MED13L: variants seen among roughly 807,000 people sequenced by gnomAD.
MED13L encodes mediator complex subunit 13L.
Under a neutral mutation model 220.9 loss-of-function variants are expected in MED13L, and 7 were observed. That is an observed-to-expected ratio of 0.03 (90% CI 0.02 to 0.06). MED13L has a LOEUF of 0.06. Ranked by LOEUF, MED13L falls within the 10% of genes least tolerant of loss-of-function variation. The probability of loss-of-function intolerance (pLI) is 1.00; values close to 1 mark genes in which losing one functional copy is unlikely to be tolerated. For synonymous variants in MED13L, 1,011 were observed against 1,015.2 expected, an observed-to-expected ratio of 1.00 and a Z score of 0.08; for missense variants, 1,965 against 2,760.5, an observed-to-expected ratio of 0.71 and a Z score of 6.46.
At chr12:115,972,496 C>G (rs934684864) in intron 25 of MED13L, 9 of 455,980 alleles carry the variant, frequency 2.0e-5, no homozygotes, top group Middle Eastern at 6.6e-4. Flanking sequence ...AGCACTAATC[C>G]AGTCTAATCT....
intron 2 of MED13L, among the ~76,000 whole-genome samples, chr12:116,129,919 AAAAG>A (rs534343859): frequency 1.8e-3 from 271 of 151,292 alleles, no homozygotes; most frequent in Admixed American, 4.5e-3. Flanking sequence ...AAAAAAAAAA[AAAAG>A]AAAGAAAGAA....
chr12:116,109,819 T>C (rs1444388289), intron 3 of MED13L, among the ~76,000 whole-genome samples: 1 of 152,214 alleles, frequency 6.6e-6, no homozygotes, highest in Non-Finnish European at 1.5e-5. Flanking sequence ...TAGTAACAGA[T>C]GATTTCTAGG....
chr12:116,117,271 A>T (rs1340453048), intron 2 of MED13L, among the ~76,000 whole-genome samples: 1 of 152,142 alleles, frequency 6.6e-6, no homozygotes, highest in African/African-American at 2.4e-5. Flanking sequence ...AATGGTTTCC[A>T]GGGATGGAGG....
At chr12:116,270,477 G>A (rs900552887) in intron 1 of MED13L, among the ~76,000 whole-genome samples, 3 of 151,974 alleles carry the variant, frequency 2.0e-5, no homozygotes, top group Non-Finnish European at 4.4e-5. Context: ...TAAAACAAGG[G>A]AGTAAAGGAA....
In MED13L at chr12:116,006,390, T is replaced by C. The variant is rs758655452; in HGVS notation, c.2260A>G (p.Lys754Glu). 3.5e-5 allele frequency: 56 copies of C among 1,613,826 alleles called. No homozygotes were observed. The highest frequency in any genetic ancestry group is 4.5e-5 in the Non-Finnish European group (53 of 1,179,884). ...GAATGACCTGGTGTAGTGACATCCT[T>C]GGTACCAAATCCATCCTCTGACTGT... is the stretch of plus-strand genomic sequence containing the variant. Reference protein sequence around the residue: ...KNKSEDGFGTKDVTTPGHSTP... With the variant: ...KNKSEDGFGTEDVTTPGHSTP... Residue 754 changes from lysine to glutamate, a missense_variant, in exon 12 of 31, where the codon AAG becomes GAG. By Grantham distance (56) the Lys-to-Glu change is moderately conservative (BLOSUM62 1). This residue lies in a region of MED13L where 818 missense variants were observed against 1,041.2 expected (regional missense o/e 0.79). Transcript: ENST00000281928.
intron 2 of MED13L, among the ~76,000 whole-genome samples, chr12:116,117,204 T>C (rs1438796221): frequency 2.0e-5 from 3 of 152,038 alleles, no homozygotes; most frequent in African/African-American, 7.2e-5. Flanking sequence ...ATGTGCTGTA[T>C]GATTCATTCA....
chr12:116,177,345 C>A (rs1298964393), intron 2 of MED13L, among the ~76,000 whole-genome samples: 3 of 152,186 alleles, frequency 2.0e-5, no homozygotes, highest in African/African-American at 7.2e-5. Context: ...AAGCAATCCT[C>A]AAGACCATCA....
chr12:116,067,607 A>G (rs1566040672), intron 4 of MED13L, among the ~76,000 whole-genome samples: 1 of 152,220 alleles, frequency 6.6e-6, no homozygotes. Flanking sequence ...AAAAAGCATG[A>G]AACAAATATT....
intron 2 of MED13L, among the ~76,000 whole-genome samples, chr12:116,211,432 A>C (rs1414436939): frequency 1.3e-5 from 2 of 152,192 alleles, no homozygotes; most frequent in Admixed American, 1.3e-4. Flanking sequence ...CAAAAAAAAA[A>C]TGCACCTTTA....
chr12:116,150,814 A>T (rs566277396), intron 2 of MED13L, among the ~76,000 whole-genome samples: 2 of 152,322 alleles, frequency 1.3e-5, no homozygotes, highest in South Asian at 4.1e-4. Flanking sequence ...TGAAACCCAC[A>T]TATGGTACTT....
intron 2 of MED13L, among the ~76,000 whole-genome samples, chr12:116,163,030 T>A (rs888814688): frequency 6.6e-6 from 1 of 152,196 alleles, no homozygotes; most frequent in African/African-American, 2.4e-5. Flanking sequence ...CAGGCCACCA[T>A]GCCGAGTTTA....
chr12:116,002,938 T>A, intron 14 of MED13L, 65 bp downstream of exon 14: 6 of 1,243,122 alleles, frequency 4.8e-6, no homozygotes, highest in Non-Finnish European at 7.1e-6. Flanking sequence ...CCACTAAGTA[T>A]GAGAATATTA....
At chr12:116,276,913 G>C (rs1010198908) in intron 1 of MED13L, 147 bp downstream of exon 1, 21 of 1,001,198 alleles carry the variant, frequency 2.1e-5, no homozygotes, top group East Asian at 8.2e-5. Flanking sequence ...GATCCAAAAG[G>C]GGGAGAATCG....
intron 2 of MED13L, among the ~76,000 whole-genome samples, chr12:116,120,095 A>G (rs1050703577): frequency 6.6e-6 from 1 of 151,978 alleles, no homozygotes; most frequent in Non-Finnish European, 1.5e-5. Flanking sequence ...TTGATTATGT[A>G]TATTTCAAAA....
chr12:116,243,198 G>A (rs1015291901), intron 1 of MED13L, among the ~76,000 whole-genome samples: 6 of 152,158 alleles, frequency 3.9e-5, no homozygotes, highest in African/African-American at 1.2e-4. Context: ...AGCAAGACAG[G>A]CTGGAAGAAA....
chr12:116,044,050 T>C (rs992515968), intron 4 of MED13L, among the ~76,000 whole-genome samples: 6 of 152,236 alleles, frequency 3.9e-5, no homozygotes, highest in Admixed American at 6.5e-5. Flanking sequence ...AGAGTTCATG[T>C]GACCAAGAAT....
chr12:116,149,855 A>T (rs1411234517), intron 2 of MED13L, among the ~76,000 whole-genome samples: 6 of 152,240 alleles, frequency 3.9e-5, no homozygotes, highest in Non-Finnish European at 7.3e-5. Flanking sequence ...AGCTGGCAAT[A>T]AAAAATGTTT....
At chr12:116,016,828 A>T (rs1398403596) in intron 7 of MED13L, among the ~76,000 whole-genome samples, 3 of 152,238 alleles carry the variant, frequency 2.0e-5, no homozygotes, top group Non-Finnish European at 4.4e-5. Context: ...AGGCAAGTGG[A>T]TATACCAATC....
chr12:116,002,567 G>C (rs1176903625), intron 14 of MED13L, among the ~76,000 whole-genome samples: 9 of 152,114 alleles, frequency 5.9e-5, no homozygotes, highest in Admixed American at 5.9e-4. Flanking sequence ...AAAAACTTTA[G>C]TATGCATCTT....
Sources: allele counts gnomAD v4.1 joint callset (sites outside exome capture counted in the v4.1 genomes callset), GRCh38; gene constraint gnomAD v4.1.1; regional missense constraint gnomAD v4.1.1; transcripts MANE v1.5; gene names NCBI Gene and HGNC (gene_info 2026-07-23, HGNC 2026-07-21).